The following SLC9A9 variants were observed in gnomAD, a reference collection of about 807,000 sequenced individuals.
SLC9A9 encodes solute carrier family 9 member A9, also known as sodium/hydrogen exchanger 9.
SLC9A9 carries 62 observed loss-of-function variants against 77.8 expected under a neutral mutation model. The observed-to-expected ratio is 0.80, with a 90% CI of 0.65 to 0.98. The LOEUF (loss-of-function observed/expected upper bound fraction) is 0.98, where lower values mean the gene tolerates loss of function less well. SLC9A9 is among the 50% of genes least tolerant of loss of function. The pLI is 0.00. For missense variants in SLC9A9, 775 were observed against 774.9 expected, an observed-to-expected ratio of 1.00 and a Z score of 0.00; for synonymous variants, 320 against 283.5, an observed-to-expected ratio of 1.13 and a Z score of -1.29.
chr3:143,550,068 C>T (rs1008156621), intron 9 of SLC9A9, among the ~76,000 whole-genome samples: 9 of 152,010 alleles, frequency 5.9e-5, no homozygotes, highest in African/African-American at 1.7e-4. Context: ...CAGTGATAGG[C>T]AGAGGGGAAG....
At chr3:143,555,332 TC>T (rs2036962252) in intron 8 of SLC9A9, among the ~76,000 whole-genome samples, 1 of 152,174 alleles carries the variant, frequency 6.6e-6, no homozygotes, top group Admixed American at 6.6e-5. Context: ...TTATAAATTA[TC>T]CAGTCTTGAA....
intron 4 of SLC9A9, among the ~76,000 whole-genome samples, chr3:143,752,570 G>C (rs540597781): frequency 6.6e-6 from 1 of 152,180 alleles, no homozygotes; most frequent in East Asian, 1.9e-4. Context: ...AAAATAATGA[G>C]TGTAGTTATA....
At chr3:143,270,171 G>A (rs1044726742) in intron 14 of SLC9A9, among the ~76,000 whole-genome samples, 1 of 152,228 alleles carries the variant, frequency 6.6e-6, no homozygotes, top group Non-Finnish European at 1.5e-5. Context: ...ATGGGCAGCT[G>A]TTGTGCCCAG....
intron 2 of SLC9A9, among the ~76,000 whole-genome samples, chr3:143,821,905 G>T (rs532288127): frequency 1.3e-5 from 2 of 152,258 alleles, no homozygotes; most frequent in South Asian, 2.1e-4. Context: ...GCCTATGCGG[G>T]GGTCAGTGTG....
chr3:143,564,569 A>T (rs1181275117), intron 8 of SLC9A9, among the ~76,000 whole-genome samples: 1 of 152,178 alleles, frequency 6.6e-6, no homozygotes, highest in Admixed American at 6.5e-5. Context: ...ACAACCACTG[A>T]AAGTGAACCT....
intron 14 of SLC9A9, among the ~76,000 whole-genome samples, chr3:143,320,096 C>T (rs1197801619): frequency 6.6e-6 from 1 of 152,162 alleles, no homozygotes; most frequent in African/African-American, 2.4e-5. Context: ...GCAGAGATGA[C>T]AGTTTTTAAC....
intron 6 of SLC9A9, among the ~76,000 whole-genome samples, chr3:143,632,183 G>C (rs1232754821): frequency 1.3e-5 from 2 of 152,182 alleles, no homozygotes; most frequent in African/African-American, 4.8e-5. Context: ...GCAAGTTCTT[G>C]AGAGTGTTTG....
intron 4 of SLC9A9, among the ~76,000 whole-genome samples, chr3:143,721,045 C>T (rs1413088304): frequency 1.3e-5 from 2 of 152,108 alleles, no homozygotes; most frequent in African/African-American, 4.8e-5. Flanking sequence ...CTTGTCTCTA[C>T]AGAAAATAGA....
chr3:143,497,339 C>A (rs1393639476), intron 9 of SLC9A9, among the ~76,000 whole-genome samples: 1 of 152,120 alleles, frequency 6.6e-6, no homozygotes, highest in Non-Finnish European at 1.5e-5. Flanking sequence ...CTACTCTCAG[C>A]CCATGTGTTC....
intron 14 of SLC9A9, among the ~76,000 whole-genome samples, chr3:143,330,683 T>C (rs1173537550): frequency 6.6e-6 from 1 of 152,228 alleles, no homozygotes; most frequent in East Asian, 1.9e-4. Context: ...AATGCTTAAC[T>C]GTGTTATAAC....
At chr3:143,762,487 C>A (rs2007165815) in intron 4 of SLC9A9, among the ~76,000 whole-genome samples, 1 of 152,040 alleles carries the variant, frequency 6.6e-6, no homozygotes, top group Admixed American at 6.6e-5. Flanking sequence ...TAAAATAGCC[C>A]CTGATGGAAG....
chr3:143,772,660 A>G (rs2007564715), intron 4 of SLC9A9, among the ~76,000 whole-genome samples: 1 of 152,328 alleles, frequency 6.6e-6, no homozygotes, highest in South Asian at 2.1e-4. Flanking sequence ...TTTTCACCTT[A>G]AAGAAGAGAC....
chr3:143,741,276 C>A (rs73009477), intron 4 of SLC9A9, among the ~76,000 whole-genome samples: 6,735 of 152,064 alleles, frequency 0.044, 459 homozygotes, highest in African/African-American at 0.15. Flanking sequence ...GACTCTCCCC[C>A]CAAAAAATCA....
chr3:143,396,798 G>T (rs1272183216), intron 12 of SLC9A9, among the ~76,000 whole-genome samples: 1 of 152,122 alleles, frequency 6.6e-6, no homozygotes, highest in Non-Finnish European at 1.5e-5. Context: ...GATTTTTCTT[G>T]TGATTTCTGA....
At chr3:143,387,257 G>C (rs2033450121) in intron 12 of SLC9A9, among the ~76,000 whole-genome samples, 1 of 152,066 alleles carries the variant, frequency 6.6e-6, no homozygotes, top group African/African-American at 2.4e-5. Context: ...GAGCTGAGCA[G>C]AAAGCAAGAA....
chr3:143,573,081 T>C (rs760412356), intron 8 of SLC9A9, among the ~76,000 whole-genome samples: 25 of 152,310 alleles, frequency 1.6e-4, no homozygotes, highest in South Asian at 4.1e-4. Flanking sequence ...CATAGTCTTT[T>C]ACTTTTGAAT....
chr3:143,510,718 T>G (rs932907757), intron 9 of SLC9A9, among the ~76,000 whole-genome samples: 1 of 152,226 alleles, frequency 6.6e-6, no homozygotes, highest in African/African-American at 2.4e-5. Flanking sequence ...GTTTATGTTC[T>G]ATGTTCAGTT....
chr3:143,340,608 ACTTTGG>A (rs1313263078), intron 14 of SLC9A9, among the ~76,000 whole-genome samples: 1 of 152,202 alleles, frequency 6.6e-6, no homozygotes, highest in Non-Finnish European at 1.5e-5. Context: ...CCTGGGGCTC[ACTTTGG>A]TACCGTCTTC....
At chr3:143,729,658 G>A (rs2108808908) in intron 4 of SLC9A9, among the ~76,000 whole-genome samples, 1 of 152,188 alleles carries the variant, frequency 6.6e-6, no homozygotes, top group South Asian at 2.1e-4. Flanking sequence ...AGCCCTCTCT[G>A]TCCTTCATCA....
Sources: allele counts gnomAD v4.1 joint callset (sites outside exome capture counted in the v4.1 genomes callset), GRCh38; gene constraint gnomAD v4.1.1; transcripts MANE v1.5; gene names NCBI Gene and HGNC (gene_info 2026-07-23, HGNC 2026-07-21).